The following ST8SIA6 variants were observed in gnomAD, a reference collection of about 807,000 sequenced individuals.
ST8SIA6 encodes ST8 alpha-N-acetyl-neuraminide alpha-2,8-sialyltransferase 6.
ST8SIA6 carries 39 observed loss-of-function variants against 33.6 expected under a neutral mutation model. The observed-to-expected ratio is 1.16, with a 90% CI of 0.90 to 1.52. ST8SIA6 has a LOEUF of 1.52. ST8SIA6 is among the 40% of genes most tolerant of loss of function. ST8SIA6 has a pLI of 0.00. For missense variants in ST8SIA6, 441 were observed against 443.8 expected, an observed-to-expected ratio of 0.99 and a Z score of 0.06; for synonymous variants, 172 against 167.2, an observed-to-expected ratio of 1.03 and a Z score of -0.22.
intron 4 of ST8SIA6, among the ~76,000 whole-genome samples, chr10:17,336,256 C>CT (rs1457984255): frequency 1.3e-5 from 2 of 152,032 alleles, no homozygotes; most frequent in Admixed American, 1.3e-4. Flanking sequence ...CGCACTGGGC[C>CT]TTTTTCTTAA....
In ST8SIA6 at chr10:17,365,262, C is replaced by G. The variant is rs182722279; in HGVS notation, c.291-5662G>C. 5.5e-3 allele frequency among the ~76,000 whole-genome samples: 835 copies of G among 152,278 alleles called. 2 individuals carry two copies. Among genetic ancestry groups the G allele is most frequent in the Admixed American group, 0.013 (196 of 15,300 alleles). On this transcript the variant is annotated intron_variant, in intron 3 of 7. Coordinates refer to ENST00000377602, the MANE Select transcript of ST8SIA6 (RefSeq NM_001004470.3). ...TTTAAACATTTTTCTAGAAACGTCT[C>G]TTTGAAGATGAAGACCCACATGCTG... is the stretch of plus-strand genomic sequence containing the variant.
At chr10:17,390,046 G>A (rs1484833748) in intron 3 of ST8SIA6, among the ~76,000 whole-genome samples, 3 of 152,188 alleles carry the variant, frequency 2.0e-5, no homozygotes, top group Non-Finnish European at 2.9e-5. Flanking sequence ...TGGAGTGCAA[G>A]TGGTGCCATC....
At chr10:17,333,694 TATATATATATATATATATA>T (rs1564404882) in intron 4 of ST8SIA6, among the ~76,000 whole-genome samples, 29 of 25,758 alleles carry the variant, frequency 1.1e-3, no homozygotes, top group South Asian at 2.2e-3. Flanking sequence ...TATATATATA[TATATATATATATATATATA>T]TATATTTTTT....
At chr10:17,420,863 C>T (rs775471203) in intron 2 of ST8SIA6, among the ~76,000 whole-genome samples, 16 of 152,192 alleles carry the variant, frequency 1.1e-4, no homozygotes, top group Admixed American at 6.5e-5. Flanking sequence ...AACTTACAGT[C>T]GTGGCGGAAG....
chr10:17,351,454 T>C (rs941617049), intron 4 of ST8SIA6, among the ~76,000 whole-genome samples: 68 of 148,700 alleles, frequency 4.6e-4, no homozygotes, highest in East Asian at 2.0e-4. Flanking sequence ...ATATTTAACC[T>C]TCATTTTATG....
chr10:17,338,396 A>G (rs768822078), intron 4 of ST8SIA6, among the ~76,000 whole-genome samples: 47 of 152,334 alleles, frequency 3.1e-4, no homozygotes, highest in Non-Finnish European at 5.9e-4. Flanking sequence ...TGACCAAAGC[A>G]TACAGTTTGT....
intron 2 of ST8SIA6, chr10:17,409,627 T>C (rs1407552827): frequency 6.6e-6 from 1 of 151,532 alleles, no homozygotes; most frequent in Non-Finnish European, 1.5e-5. Context: ...GTTGTACCAG[T>C]GCACTTTGGG....
At chr10:17,436,902 C>T (rs1852282076) in intron 2 of ST8SIA6, among the ~76,000 whole-genome samples, 1 of 152,144 alleles carries the variant, frequency 6.6e-6, no homozygotes, top group Admixed American at 6.5e-5. Context: ...CTTTTACCTT[C>T]CACCATGATT....
At chr10:17,371,733 C>G (rs1849738851) in intron 3 of ST8SIA6, among the ~76,000 whole-genome samples, 1 of 142,680 alleles carries the variant, frequency 7.0e-6, no homozygotes, top group African/African-American at 2.6e-5. Flanking sequence ...TTGCAGTGAG[C>G]CAAGGTCATG....
intron 3 of ST8SIA6, among the ~76,000 whole-genome samples, chr10:17,374,453 C>CCTAT (rs1056271582): frequency 1.6e-5 from 2 of 127,576 alleles, no homozygotes; most frequent in Non-Finnish European, 3.4e-5. Flanking sequence ...GTGGCTCATG[C>CCTAT]CTATGATTAT....
intron 4 of ST8SIA6, among the ~76,000 whole-genome samples, chr10:17,350,688 A>G (rs1849001604): frequency 6.6e-6 from 1 of 152,108 alleles, no homozygotes; most frequent in Admixed American, 6.5e-5. Flanking sequence ...CTCAGTTAAA[A>G]TAGAGTTGTC....
intron 2 of ST8SIA6, among the ~76,000 whole-genome samples, chr10:17,428,302 T>TTC: frequency 6.6e-6 from 1 of 152,174 alleles, no homozygotes; most frequent in East Asian, 1.9e-4. Flanking sequence ...CCCTCCTTAG[T>TTC]TGTCTTGCTG....
intron 2 of ST8SIA6, among the ~76,000 whole-genome samples, chr10:17,443,018 TG>T (rs1484037051): frequency 1.3e-5 from 2 of 152,204 alleles, no homozygotes; most frequent in Admixed American, 6.5e-5. Flanking sequence ...GCATGTATAA[TG>T]TTCCCTAGAT....
Position 17,437,655 on chromosome 10 carries a change from TTCC to T in ST8SIA6, c.200+15901_200+15903del, listed in dbSNP as rs779863052. Among the ~76,000 whole-genome samples, 1,336 of 139,638 alleles carry T rather than the reference TTCC, an allele frequency of 9.6e-3. 9 individuals carry two copies. The highest frequency in any genetic ancestry group is 0.02 in the East Asian group (89 of 4,374). 91.6% of individuals were successfully genotyped at this position (139,638 alleles called of 152,430 possible). On this transcript the variant is annotated intron_variant, in intron 2 of 7. Transcript: ENST00000377602. ...CTTCCTTCCTTCCTTCCTTCCTTCC[TTCC>T]TTCCTTCTGTCTCTCTTTCTCTTTC...
In ST8SIA6 at chr10:17,454,240, C is replaced by T; in HGVS notation, c.16G>A (p.Ala6Thr). Reference protein sequence around the residue: MRPGGALLALLASLLL... With the variant: MRPGGTLLALLASLLL... Reference sequence around the variant, plus strand: ...AGGCTGGCGAGCAGGGCGAGCAGTGCGCCCCCCGGCCGCATCCTGAGCCAC... The same window carrying T: ...AGGCTGGCGAGCAGGGCGAGCAGTGTGCCCCCCGGCCGCATCCTGAGCCAC... Residue 6 changes from alanine to threonine, a missense_variant, in exon 1 of 8, where the codon GCA (alanine) becomes ACA (threonine). Physicochemically the swap from Ala to Thr is moderately conservative, Grantham distance 58 (BLOSUM62 0). Transcript: ENST00000377602. The surrounding 1 kb of genome is among the most constrained non-coding windows in gnomAD (Gnocchi z 4.1). 4.1e-6 allele frequency: 1 copy of T among 245,730 alleles called. No individual in the cohort carries two copies. Among genetic ancestry groups the T allele is most frequent in the Non-Finnish European group, 7.7e-6 (1 of 130,680 alleles). The allele number at this position is 245,730 out of a possible 1,614,324, so 15.2% of individuals were successfully genotyped here.
chr10:17,357,402 C>T (rs1009879858), intron 4 of ST8SIA6, among the ~76,000 whole-genome samples: 18 of 151,788 alleles, frequency 1.2e-4, no homozygotes, highest in African/African-American at 4.1e-4. Flanking sequence ...TCCCAAAGTG[C>T]TGGGATTACA....
chr10:17,413,316 T>C (rs1253154497), intron 2 of ST8SIA6: 1 of 151,920 alleles, frequency 6.6e-6, no homozygotes, highest in African/African-American at 2.4e-5. Context: ...AGTAATAACA[T>C]ATATTTTCTC....
In ST8SIA6 at chr10:17,379,565, A is replaced by T. The variant is rs554520374; in HGVS notation, c.290+10966T>A. ...GATAGATGCATATCTGATTGCCTCC[A>T]TTGGAAAGACTAATCAGAAACTCAA... On this transcript the variant is annotated intron_variant, in intron 3 of 7. Coordinates refer to ENST00000377602, the MANE Select transcript of ST8SIA6 (RefSeq NM_001004470.3). Among the ~76,000 whole-genome samples the T allele has an allele frequency of 2.6e-5, 4 of 152,322 alleles. No individual in the cohort carries two copies. In the South Asian group the frequency reaches 8.3e-4, roughly 32 times the overall value.
At chr10:17,323,220 C>T (rs1028269064) in intron 6 of ST8SIA6, 63 bp from the exon 7 acceptor site, 19 of 1,039,634 alleles carry the variant, frequency 1.8e-5, no homozygotes, top group Non-Finnish European at 2.2e-5. Flanking sequence ...TGTATACACA[C>T]ATATGCGCGC....
Sources: allele counts gnomAD v4.1 joint callset (sites outside exome capture counted in the v4.1 genomes callset), GRCh38; gene constraint gnomAD v4.1.1; non-coding constraint Gnocchi (gnomAD v3.1); transcripts MANE v1.5; gene names NCBI Gene and HGNC (gene_info 2026-07-23, HGNC 2026-07-21).